GRIP1: variants seen among roughly 807,000 people sequenced by gnomAD.
GRIP1 encodes the protein glutamate receptor interacting protein 1, also known as glutamate receptor-interacting protein 1.
Under a neutral mutation model 129.9 loss-of-function variants are expected in GRIP1, and 45 were observed. That is an observed-to-expected ratio of 0.35 (90% CI 0.27 to 0.44). The LOEUF is 0.44. GRIP1 is among the 20% of genes least tolerant of loss of function. The probability of loss-of-function intolerance (pLI) is 1.00; values close to 1 mark genes in which losing one functional copy is unlikely to be tolerated. For synonymous variants in GRIP1, 530 were observed against 520.8 expected (o/e 1.02, Z -0.24); for missense variants, 1,196 against 1,396.8 (o/e 0.86, Z 2.29).
chr12:66,979,378 G>A (rs1017459237), intron 1 of GRIP1, among the ~76,000 whole-genome samples: 1 of 151,466 alleles, frequency 6.6e-6, no homozygotes, highest in African/African-American at 2.4e-5. Context: ...GAATGCAGGA[G>A]TGAAAATGAG....
At chr12:66,460,693 A>G (rs1020796938) in intron 9 of GRIP1, among the ~76,000 whole-genome samples, 1 of 152,222 alleles carries the variant, frequency 6.6e-6, no homozygotes, top group Non-Finnish European at 1.5e-5. Context: ...TTTACTGCTA[A>G]CACAATCTGG....
At chr12:66,692,266 T>G (rs993897397) in intron 1 of GRIP1, among the ~76,000 whole-genome samples, 1 of 152,238 alleles carries the variant, frequency 6.6e-6, no homozygotes, top group Non-Finnish European at 1.5e-5. Flanking sequence ...AAATTACAAC[T>G]GTAATTTCTC....
chr12:66,831,261 C>G (rs556610314), intron 1 of GRIP1, among the ~76,000 whole-genome samples: 10 of 152,304 alleles, frequency 6.6e-5, no homozygotes, highest in Admixed American at 2.6e-4. Context: ...TGTTTTAACT[C>G]TACAAGGTGA....
At chr12:66,738,623 C>A (rs573850055) in intron 1 of GRIP1, among the ~76,000 whole-genome samples, 1 of 152,134 alleles carries the variant, frequency 6.6e-6, no homozygotes, top group South Asian at 2.1e-4. Context: ...GAGATTGTTC[C>A]TGTGATGTGA....
intron 13 of GRIP1, among the ~76,000 whole-genome samples, chr12:66,441,951 G>A (rs763035215): frequency 7.2e-5 from 11 of 151,952 alleles, no homozygotes; most frequent in Admixed American, 2.0e-4. Context: ...GCTCTGCTTC[G>A]AGCCATGTCC....
chr12:66,969,521 A>C (rs141973815), intron 1 of GRIP1, among the ~76,000 whole-genome samples: 3 of 151,974 alleles, frequency 2.0e-5, no homozygotes, highest in South Asian at 2.1e-4. Flanking sequence ...CAATCCTCCC[A>C]CCTTAGCCTT....
chr12:66,934,657 G>C (rs973534930), intron 1 of GRIP1, among the ~76,000 whole-genome samples: 2 of 152,180 alleles, frequency 1.3e-5, no homozygotes, highest in African/African-American at 2.4e-5. Flanking sequence ...AAATGATCAA[G>C]TTCTGTCTAC....
chr12:66,960,328 G>T (rs1387365112), intron 1 of GRIP1, among the ~76,000 whole-genome samples: 1 of 152,118 alleles, frequency 6.6e-6, no homozygotes, highest in African/African-American at 2.4e-5. Context: ...GAAGGGAAGA[G>T]ATCTGGGGTA....
chr12:66,986,871 T>TAA (rs66712493), intron 1 of GRIP1, among the ~76,000 whole-genome samples: 2 of 149,706 alleles, frequency 1.3e-5, no homozygotes, highest in Non-Finnish European at 3.0e-5. Context: ...AAAAATAAAA[T>TAA]AAAAATAAAA....
chr12:66,917,682 T>C (rs1208923792), intron 1 of GRIP1, among the ~76,000 whole-genome samples: 1 of 152,188 alleles, frequency 6.6e-6, no homozygotes, highest in Non-Finnish European at 1.5e-5. Context: ...TTTCAATCAC[T>C]AGACATTTAA....
At chr12:66,464,818 C>CTGTGTGTG (rs66669633) in intron 8 of GRIP1, among the ~76,000 whole-genome samples, 2 of 150,436 alleles carry the variant, frequency 1.3e-5, no homozygotes, top group Non-Finnish European at 3.0e-5. Context: ...GGCAAGAGAA[C>CTGTGTGTG]TGTGTGTGTG....
At chr12:66,605,702 A>G (rs1032569000) in intron 1 of GRIP1, among the ~76,000 whole-genome samples, 4 of 152,182 alleles carry the variant, frequency 2.6e-5, no homozygotes, top group African/African-American at 9.6e-5. Context: ...GTGGCTCACT[A>G]TGATCTTTCC....
intron 1 of GRIP1, among the ~76,000 whole-genome samples, chr12:66,849,664 C>T (rs774900681): frequency 5.3e-5 from 8 of 152,074 alleles, no homozygotes; most frequent in Non-Finnish European, 7.4e-5. Context: ...TTCCTCACCC[C>T]CACCTCAATA....
chr12:66,672,828 T>C (rs989782922), intron 1 of GRIP1, among the ~76,000 whole-genome samples: 3 of 152,188 alleles, frequency 2.0e-5, no homozygotes, highest in African/African-American at 7.2e-5. Flanking sequence ...CATTTTGTTA[T>C]AGCTAACATG....
intron 1 of GRIP1, among the ~76,000 whole-genome samples, chr12:66,714,463 T>G (rs1165841912): frequency 6.6e-6 from 1 of 152,088 alleles, no homozygotes; most frequent in Non-Finnish European, 1.5e-5. Context: ...TCTATTCTGC[T>G]ACTATAAAAG....
chr12:66,355,732 C>G (rs1181901008), intron 23 of GRIP1, among the ~76,000 whole-genome samples: 2 of 151,990 alleles, frequency 1.3e-5, no homozygotes, highest in African/African-American at 4.8e-5. Context: ...TCCCCACTCC[C>G]CAGCTCCTTG....
chr12:66,956,351 G>A (rs1339661059), intron 1 of GRIP1, among the ~76,000 whole-genome samples: 2 of 152,114 alleles, frequency 1.3e-5, no homozygotes, highest in African/African-American at 4.8e-5. Context: ...TTTGGAGTGT[G>A]GTGAGGTAAA....
intron 1 of GRIP1, among the ~76,000 whole-genome samples, chr12:67,041,289 A>T (rs1592504373): frequency 6.6e-6 from 1 of 151,916 alleles, no homozygotes; most frequent in Admixed American, 6.6e-5. Flanking sequence ...TACACACACA[A>T]ATATATATAC....
intron 1 of GRIP1, among the ~76,000 whole-genome samples, chr12:67,048,843 C>T (rs901605198): frequency 1.3e-5 from 2 of 152,166 alleles, no homozygotes; most frequent in African/African-American, 4.8e-5. Context: ...GTGACTTGCA[C>T]CTCCTTGCCT....
Sources: allele counts gnomAD v4.1 joint callset (sites outside exome capture counted in the v4.1 genomes callset), GRCh38; gene constraint gnomAD v4.1.1; transcripts MANE v1.5; gene names NCBI Gene and HGNC (gene_info 2026-07-23, HGNC 2026-07-21).